The following L3MBTL4 variants were observed in gnomAD, a reference collection of about 807,000 sequenced individuals.
L3MBTL4 encodes L3MBTL histone methyl-lysine binding protein 4.
A neutral mutation model predicts 84.5 loss-of-function variants in L3MBTL4; 70 were observed. The observed-to-expected ratio is 0.83, with a 90% CI of 0.68 to 1.01. The LOEUF is 1.01. L3MBTL4 is among the 50% of genes least tolerant of loss of function. The probability of loss-of-function intolerance (pLI) is 0.00; values close to 1 mark genes in which losing one functional copy is unlikely to be tolerated. For missense variants in L3MBTL4, 715 were observed against 754.8 expected (o/e 0.95, Z 0.62); for synonymous variants, 274 against 259.8 (o/e 1.05, Z -0.52).
chr18:6,313,576 A>G (rs2146964447), intron 1 of L3MBTL4, among the ~76,000 whole-genome samples: 1 of 152,336 alleles, frequency 6.6e-6, no homozygotes, highest in Non-Finnish European at 1.5e-5. Context: ...CTGAACATCT[A>G]TGCAAATGAA....
intron 1 of L3MBTL4, among the ~76,000 whole-genome samples, chr18:6,335,446 G>A (rs2052283997): frequency 6.6e-6 from 1 of 152,094 alleles, no homozygotes. Context: ...CTAATTATAT[G>A]GGTATTAGAG....
rs368704887 is a variant in L3MBTL4 at position 6,099,576 on chromosome 18, G to C, written c.1200-6048C>G. Among the ~76,000 whole-genome samples the C allele has an allele frequency of 9.3e-5, 2 of 21,420 alleles. 1 individual carries two copies. The highest frequency in any genetic ancestry group is 2.2e-4 in the Non-Finnish European group (2 of 8,968). 14.1% of individuals were successfully genotyped at this position (21,420 alleles called of 152,430 possible). On this transcript the variant is annotated intron_variant, in intron 14 of 18. Coordinates refer to ENST00000317931, the MANE Select transcript of L3MBTL4 (RefSeq NM_001330559.2). ...ATTTTTATATATCTATAGATAGATA[G>C]ATAATGTAAATATATATATATATAT...
chr18:6,324,095 C>T (rs1019987534), intron 1 of L3MBTL4, among the ~76,000 whole-genome samples: 5 of 152,122 alleles, frequency 3.3e-5, no homozygotes, highest in African/African-American at 1.2e-4. Context: ...TCAGTGGGTA[C>T]AGGCCATAAG....
chr18:6,165,992 C>A (rs1476843510), intron 13 of L3MBTL4, among the ~76,000 whole-genome samples: 3 of 152,072 alleles, frequency 2.0e-5, no homozygotes, highest in Non-Finnish European at 4.4e-5. Context: ...GAAGATCTAC[C>A]AAGCAAATGG....
At chr18:6,224,618 G>A (rs2046697879) in intron 10 of L3MBTL4, among the ~76,000 whole-genome samples, 1 of 152,176 alleles carries the variant, frequency 6.6e-6, no homozygotes, top group African/African-American at 2.4e-5. Context: ...CAGGATCTCA[G>A]AGAGCTAGCA....
chr18:5,982,456 T>A (rs2053275543), intron 16 of L3MBTL4, among the ~76,000 whole-genome samples: 1 of 152,134 alleles, frequency 6.6e-6, no homozygotes, highest in Admixed American at 6.5e-5. Flanking sequence ...TGAAGCAAGG[T>A]CTCTGTCACA....
chr18:6,184,217 G>T (rs1378105842), intron 12 of L3MBTL4, among the ~76,000 whole-genome samples: 2 of 152,010 alleles, frequency 1.3e-5, no homozygotes, highest in Non-Finnish European at 2.9e-5. Flanking sequence ...TTTCTAAATT[G>T]GTCATATAAA....
intron 13 of L3MBTL4, among the ~76,000 whole-genome samples, chr18:6,160,005 G>T (rs1333717696): frequency 5.9e-5 from 9 of 152,122 alleles, no homozygotes; most frequent in African/African-American, 2.2e-4. Flanking sequence ...AACAAGGGCT[G>T]AAGGGGCAGG....
chr18:6,066,015 G>A (rs563781945), intron 16 of L3MBTL4, among the ~76,000 whole-genome samples: 2 of 151,758 alleles, frequency 1.3e-5, no homozygotes, highest in Non-Finnish European at 2.9e-5. Context: ...TCCTGTTTGG[G>A]CTGCTTTTGC....
intron 13 of L3MBTL4, among the ~76,000 whole-genome samples, chr18:6,142,361 T>A (rs2144695719): frequency 6.6e-6 from 1 of 152,298 alleles, no homozygotes; most frequent in African/African-American, 2.4e-5. Context: ...CAAATTTGAA[T>A]TACAGTGAAA....
At position 6,213,016 on chromosome 18, in the gene L3MBTL4, G is replaced by A. The variant is rs113923619; in HGVS notation, c.981+133C>T. 1,094 of 561,308 alleles carry A rather than the reference G, an allele frequency of 1.9e-3. 12 individuals carry two copies. The highest frequency in any genetic ancestry group is 0.019 in the African/African-American group (974 of 52,046). 34.8% of individuals were successfully genotyped at this position (561,308 alleles called of 1,614,324 possible). A position where few individuals can be genotyped will look rare whatever the true frequency, so the allele number is the denominator to read the frequency against. On this transcript the variant is annotated intron_variant, in intron 12 of 18. Transcript: ENST00000317931. ...CAATCTTCAAGGTCAAATCCAGAAC[G>A]CTTTTCCCCCCAGAAAATTATTGTG...
intron 1 of L3MBTL4, among the ~76,000 whole-genome samples, chr18:6,346,933 T>C (rs67260757): frequency 0.2 from 29,815 of 152,030 alleles, 3,684 homozygotes; most frequent in African/African-American, 0.36. Context: ...CCTAAATTTC[T>C]ACTGACAGTT....
intron 14 of L3MBTL4, among the ~76,000 whole-genome samples, chr18:6,100,992 T>C (rs954884579): frequency 2.0e-5 from 3 of 152,158 alleles, no homozygotes; most frequent in East Asian, 1.9e-4. Flanking sequence ...TTGCCTTTCA[T>C]TGGGGGAGAT....
chr18:6,148,458 T>C (rs1408444155), intron 13 of L3MBTL4, among the ~76,000 whole-genome samples: 1 of 152,134 alleles, frequency 6.6e-6, no homozygotes, highest in Non-Finnish European at 1.5e-5. Context: ...ACTTGTTGGC[T>C]GGTATCACCC....
At chr18:6,075,468 A>G (rs1343653085) in intron 16 of L3MBTL4, among the ~76,000 whole-genome samples, 3 of 152,180 alleles carry the variant, frequency 2.0e-5, no homozygotes, top group Non-Finnish European at 4.4e-5. Flanking sequence ...TGCTGGGTCA[A>G]CTGAATATTC....
intron 12 of L3MBTL4, among the ~76,000 whole-genome samples, chr18:6,203,835 C>A (rs1414641137): frequency 1.3e-5 from 2 of 152,208 alleles, no homozygotes; most frequent in Admixed American, 6.5e-5. Flanking sequence ...CATTCTGCTG[C>A]TCTTGACTGG....
intron 13 of L3MBTL4, among the ~76,000 whole-genome samples, chr18:6,148,007 G>T (rs552947579): frequency 2.8e-4 from 42 of 152,306 alleles, no homozygotes; most frequent in African/African-American, 1.0e-3. Flanking sequence ...AGGGAGATCA[G>T]AGGTTTGATG....
intron 1 of L3MBTL4, chr18:6,374,213 C>A (rs1316507046): frequency 6.6e-6 from 1 of 152,484 alleles, no homozygotes. Context: ...CACTGAACAG[C>A]TGTGACTTGG....
chr18:5,990,653 C>T (rs591137), intron 16 of L3MBTL4, among the ~76,000 whole-genome samples: 23,826 of 152,106 alleles, frequency 0.16, 2,222 homozygotes, highest in East Asian at 0.38. Flanking sequence ...CCCATGTTTC[C>T]TCTATAAAAC....
Sources: gnomAD v4.1 joint callset for allele counts (sites outside exome capture counted in the v4.1 genomes callset) on GRCh38, gnomAD v4.1.1 for gene constraint, MANE v1.5 for transcripts, NCBI Gene and HGNC (gene_info 2026-07-23, HGNC 2026-07-21) for gene names.